The following PAX8 variants were observed in gnomAD, a reference collection of about 807,000 sequenced individuals.
PAX8 encodes paired box 8, also known as paired box protein Pax-8.
Under a neutral mutation model 52.4 loss-of-function variants are expected in PAX8, and 15 were observed. The ratio of observed to expected loss-of-function variants is 0.29; its 90% confidence interval spans 0.19 to 0.44. The LOEUF is 0.44. Among genes scored for constraint, PAX8 ranks in the 20% least tolerant of loss-of-function variants. The pLI is 1.00. For missense variants in PAX8, 554 were observed against 602.5 expected, an observed-to-expected ratio of 0.92 and a Z score of 0.84; for synonymous variants, 284 against 249.7, an observed-to-expected ratio of 1.14 and a Z score of -1.29.
intron 11 of PAX8, 123 bp downstream of exon 11, chr2:113,219,969 A>G (rs1689184822): frequency 1.5e-6 from 1 of 666,980 alleles, no homozygotes; most frequent in Non-Finnish European, 2.7e-6. Flanking sequence ...AAACAGCACC[A>G]TCTCCCAGGC....
intron 10 of PAX8, among the ~76,000 whole-genome samples, chr2:113,222,588 A>T (rs1341843780): frequency 6.6e-6 from 1 of 151,272 alleles, no homozygotes; most frequent in East Asian, 1.9e-4. Context: ...ATCCCACCCT[A>T]CTCACCTTTC....
intron 2 of PAX8, chr2:113,265,744 C>T (rs771025119): frequency 1.3e-5 from 2 of 152,194 alleles, no homozygotes; most frequent in Non-Finnish European, 2.9e-5. Context: ...AGTTCCATAA[C>T]CCCAAAGCCT....
intron 2 of PAX8, among the ~76,000 whole-genome samples, chr2:113,256,523 T>C (rs1692259346): frequency 6.6e-6 from 1 of 152,130 alleles, no homozygotes; most frequent in African/African-American, 2.4e-5. Flanking sequence ...AAACTTCTAC[T>C]ACTTGCCGGG....
rs987005552 is a variant in PAX8 at position 113,246,915 on chromosome 2, A to G, written c.30T>C (p.His10=). 9 of 1,613,266 alleles carry G rather than the reference A, an allele frequency of 5.6e-6. No individual in the cohort carries two copies. Among genetic ancestry groups the G allele is most frequent in the Admixed American group, 1.7e-5 (1 of 59,894 alleles). Residue 10 remains histidine (H), a synonymous_variant, in exon 3 of 12, where the codon CAT becomes CAC. Coordinates refer to ENST00000429538, the MANE Select transcript of PAX8 (RefSeq NM_003466.4). MPHNSIRSG[H]GGLNQLGGAF... is the part of the protein sequence containing the mutation. ...CCCCTCCCAGCTGGTTCAGCCCTCC[A>G]TGGCCTAAGGAGACAATATTCCCAG...
chr2:113,278,291 G>C lies in PAX8; in HGVS notation c.25+79C>G, dbSNP rs1157717467. ...CCGCGAATCCCGTGCTGACGCTCTC[G>C]AGATCCAACCACCCGAGCGCACGCA... On this transcript the variant is annotated intron_variant, in intron 2 of 11. Transcript: ENST00000429538. 7 of 1,191,268 alleles carry C rather than the reference G, an allele frequency of 5.9e-6. No homozygotes were observed. The South Asian group carries it at 6.2e-5, about 11-fold the overall frequency. The allele number at this position is 1,191,268 out of a possible 1,614,324, so 73.8% of individuals were successfully genotyped here.
In PAX8 at chr2:113,218,311, C is replaced by T; in HGVS notation, c.*222G>A. 2 of 404,572 alleles carry T rather than the reference C, an allele frequency of 4.9e-6. No individual in the cohort carries two copies. Among genetic ancestry groups the T allele is most frequent in the Non-Finnish European group, 8.7e-6 (2 of 229,342 alleles). 25.1% of individuals were successfully genotyped at this position (404,572 alleles called of 1,614,324 possible). On this transcript the variant is annotated 3_prime_UTR_variant, in exon 12 of 12. Coordinates refer to ENST00000429538, the MANE Select transcript of PAX8 (RefSeq NM_003466.4). ...ATGGCATGGTTCTCTTTCCCTGGGA[C>T]TCCTGCCCCTCATTAAGGAGTCTTG... is the stretch of plus-strand genomic sequence containing the variant.
intron 9 of PAX8, among the ~76,000 whole-genome samples, chr2:113,235,185 C>G (rs1213530347): frequency 1.3e-5 from 2 of 152,110 alleles, no homozygotes; most frequent in Non-Finnish European, 2.9e-5. Flanking sequence ...GGTGCATCCC[C>G]GGCACCCCTA....
intron 2 of PAX8, 93 bp downstream of exon 2, chr2:113,278,277 G>A: frequency 9.4e-7 from 1 of 1,069,146 alleles, no homozygotes; most frequent in Non-Finnish European, 1.4e-6. Flanking sequence ...CGCGAATCCC[G>A]TGCTGACGCT....
At chr2:113,243,715 CTAT>C (rs1691070928) in intron 4 of PAX8, among the ~76,000 whole-genome samples, 1 of 152,198 alleles carries the variant, frequency 6.6e-6, no homozygotes, top group African/African-American at 2.4e-5. Context: ...TCTTTTGATC[CTAT>C]TAGCCACAGG....
At chr2:113,235,647 A>G in intron 8 of PAX8, 65 bp from the exon 9 acceptor site, 1 of 1,377,396 alleles carries the variant, frequency 7.3e-7, no homozygotes, top group Non-Finnish European at 1.0e-6. Context: ...AACACGCACA[A>G]GCCAAGCCGT....
chr2:113,265,565 A>G (rs1692989858), intron 2 of PAX8: 1 of 152,298 alleles, frequency 6.6e-6, no homozygotes, highest in Non-Finnish European at 1.5e-5. Flanking sequence ...ACCTTAAGGA[A>G]TCCCACCCTG....
chr2:113,233,473 A>T (rs1690028667), intron 9 of PAX8, among the ~76,000 whole-genome samples: 1 of 151,960 alleles, frequency 6.6e-6, no homozygotes, highest in South Asian at 2.1e-4. Flanking sequence ...AGGTCAGGAG[A>T]TTGAGACCAT....
intron 3 of PAX8, among the ~76,000 whole-genome samples, chr2:113,245,282 G>C (rs779787295): frequency 2.0e-5 from 3 of 152,152 alleles, no homozygotes; most frequent in Non-Finnish European, 2.9e-5. Context: ...CTGACCTCAA[G>C]TGATCCGCCC....
rs375326461 is a variant in PAX8 at position 113,218,551 on chromosome 2, C to T, written c.1335G>A (p.Thr445=). 8.4e-6 allele frequency: 13 copies of T among 1,556,186 alleles called. No individual in the cohort carries two copies. Among genetic ancestry groups the T allele is most frequent in the African/African-American group, 1.4e-5 (1 of 73,190 alleles). The change falls in exon 12 of 12, where the codon ACG becomes ACA. Residue 445 remains threonine (T), a synonymous_variant. Coordinates refer to ENST00000429538, the MANE Select transcript of PAX8 (RefSeq NM_003466.4). ...SRPSAPPTTA[T]AFDHL is the part of the protein sequence containing the mutation. ...ATGGCAACTACAGATGGTCAAAGGC[C>T]GTGGCAGTGGTGGGCGGTGCACTCG...
chr2:113,246,642 C>T (rs1384864975), intron 3 of PAX8, 112 bp downstream of exon 3: 4 of 1,227,242 alleles, frequency 3.3e-6, no homozygotes, highest in African/African-American at 2.9e-5. Context: ...CAAAGCTGGA[C>T]ATTGGGAGCA....
intron 2 of PAX8, chr2:113,266,331 C>T (rs980771644): frequency 6.6e-6 from 1 of 152,204 alleles, no homozygotes; most frequent in Non-Finnish European, 1.5e-5. Flanking sequence ...AAAAGACCAG[C>T]CTTTCTGTGT....
intron 2 of PAX8, among the ~76,000 whole-genome samples, chr2:113,256,606 ATG>A (rs55936485): frequency 0.22 from 31,394 of 140,304 alleles, 3,362 homozygotes; most frequent in South Asian, 0.38. Context: ...TGGAATATAT[ATG>A]TGTGTGTGTA....
rs1573469745 is a variant in PAX8 at position 113,244,536 on chromosome 2, C to T, written c.280G>A (p.Asp94Asn). 6.2e-7 allele frequency: 1 copy of T among 1,614,122 alleles called. No individual in the cohort carries two copies. Among genetic ancestry groups the T allele is most frequent in the East Asian group, 2.2e-5 (1 of 44,878 alleles). The change falls in exon 4 of 12, where the codon GAC becomes AAC. Residue 94 changes from aspartate (D) to asparagine (N), a missense_variant. Around this residue, in one of 2 missense-constraint regions of PAX8, gnomAD observed 109 missense variants for 192.7 expected, o/e 0.57. Transcript: ENST00000429538. ...ATGGTAGGGTTCTGGCGTTTGTAGT[C>T]CCCAATCTTCTCCACCACCTTGGGG... Reference protein sequence around the residue: ...ATPKVVEKIGDYKRQNPTMFA... With the variant: ...ATPKVVEKIGNYKRQNPTMFA...
At position 113,218,615 on chromosome 2, in the gene PAX8, C is replaced by T; in HGVS notation, c.1277-6G>A. ...ACTGTAATAATATGGGGAACCTGGA[C>T]ACATTAAAAAAAAATAACAACAACA... On this transcript the variant is annotated splice_polypyrimidine_tract_variant and splice_region_variant and intron_variant, in intron 11 of 11. Transcript: ENST00000429538. The T allele has an allele frequency of 6.5e-7, 1 of 1,544,548 alleles. No homozygotes were observed. The highest frequency in any genetic ancestry group is 2.4e-5 in the East Asian group (1 of 41,098).
Sources: gnomAD v4.1 joint callset for allele counts (sites outside exome capture counted in the v4.1 genomes callset) on GRCh38, gnomAD v4.1.1 for gene constraint, gnomAD v4.1.1 regional missense constraint, MANE v1.5 for transcripts, NCBI Gene and HGNC (gene_info 2026-07-23, HGNC 2026-07-21) for gene names.